The following MAPKBP1 variants were observed in gnomAD, a reference collection of about 807,000 sequenced individuals.
The protein encoded by MAPKBP1 is mitogen-activated protein kinase-binding protein 1.
Under a neutral mutation model 170.5 loss-of-function variants are expected in MAPKBP1, and 71 were observed. That is an observed-to-expected ratio of 0.42 (90% CI 0.34 to 0.51). MAPKBP1 has a LOEUF of 0.51. Ranked by LOEUF, MAPKBP1 falls within the 20% of genes least tolerant of loss-of-function variation. The pLI is 0.06. For synonymous variants in MAPKBP1, 719 were observed against 757.9 expected (o/e 0.95, Z 0.84); for missense variants, 1,598 against 1,933.0 (o/e 0.83, Z 3.25).
chr15:41,820,542 C>G (rs1370777165), intron 22 of MAPKBP1, among the ~76,000 whole-genome samples: 1 of 152,132 alleles, frequency 6.6e-6, no homozygotes, highest in Non-Finnish European at 1.5e-5. Context: ...CTAGGGGTTC[C>G]TGTGCCAGAG....
At chr15:41,816,768 T>G in intron 13 of MAPKBP1, 118 bp downstream of exon 13, 1 of 1,456,860 alleles carries the variant, frequency 6.9e-7, no homozygotes, top group Non-Finnish European at 9.5e-7. Flanking sequence ...TCTTTGCTGG[T>G]TTAGAGGAAG....
chr15:41,786,777 A>ATAT (rs1555448144), intron 2 of MAPKBP1, among the ~76,000 whole-genome samples: 4 of 32,452 alleles, frequency 1.2e-4, no homozygotes, highest in African/African-American at 5.2e-4. Flanking sequence ...AAAAAAAAAA[A>ATAT]ATATATATAT....
chr15:41,818,731 C>G lies in MAPKBP1; in HGVS notation c.2157-92C>G. On this transcript the variant is annotated intron_variant, in intron 19 of 30. Transcript: ENST00000457542. The surrounding 1 kb of genome is among the most constrained non-coding windows in gnomAD (Gnocchi z 5.2). Reference sequence around the variant, plus strand: ...GCTTGACCTGAAGTGGAGGGTGGCTCTGGTCTCCTTGCCATCCATGGATAA... The same window carrying G: ...GCTTGACCTGAAGTGGAGGGTGGCTGTGGTCTCCTTGCCATCCATGGATAA... 1 of 1,562,606 alleles carries G rather than the reference C, an allele frequency of 6.4e-7. No homozygotes were observed. The highest frequency in any genetic ancestry group is 8.7e-7 in the Non-Finnish European group (1 of 1,145,426).
chr15:41,815,177 G>A lies in MAPKBP1; in HGVS notation c.1171-82G>A, dbSNP rs117228318. On this transcript the variant is annotated intron_variant, in intron 10 of 30. Transcript: ENST00000457542. ...AGTCCTGGCCACCATTCCCTTTTTC[G>A]TCCCATTCCCTTCCATCTCCTTGGG... is the stretch of plus-strand genomic sequence containing the variant. 3.3e-3 allele frequency: 5,142 copies of A among 1,545,408 alleles called. 141 individuals are homozygous for A. In the Admixed American group the frequency reaches 0.052, roughly 16 times the overall value.
intron 3 of MAPKBP1, among the ~76,000 whole-genome samples, chr15:41,808,703 T>C (rs2064749679): frequency 6.6e-6 from 1 of 151,618 alleles, no homozygotes; most frequent in South Asian, 2.1e-4. Flanking sequence ...CTCGAACTCC[T>C]GACCTCAGGT....
intron 13 of MAPKBP1, 62 bp downstream of exon 13, chr15:41,816,712 G>A: frequency 6.6e-7 from 1 of 1,526,204 alleles, no homozygotes; most frequent in Non-Finnish European, 9.1e-7. Flanking sequence ...ACTTATATCT[G>A]TCCCGGCTCT....
In MAPKBP1 at chr15:41,775,396, C is replaced by T. The variant is rs756684650; in HGVS notation, c.114+7C>T. ...AGAGGACCTCAGCTCCAAGGTGAGT[C>T]CTGTTGGGATCCACCTCTTTCCAAA... On this transcript the variant is annotated splice_region_variant and intron_variant, in intron 2 of 30. Transcript: ENST00000457542. The T allele has an allele frequency of 6.2e-7, 1 of 1,606,716 alleles. No homozygotes were observed. Among genetic ancestry groups the T allele is most frequent in the East Asian group, 2.2e-5 (1 of 44,846 alleles).
Position 41,818,483 on chromosome 15 carries a change from A to AGGT in MAPKBP1, c.2093-33_2093-31dup, listed in dbSNP as rs759681285. 2.5e-6 allele frequency: 4 copies of AGGT among 1,596,794 alleles called. No homozygotes were observed. In the African/African-American group the frequency reaches 5.4e-5, roughly 21 times the overall value. Reference sequence around the variant, plus strand: ...TGGAGAGGACTTGGTTGGGAATTTAAGGTGGCTTATAGACCGTATTCTTTG... The same window carrying AGGT: ...TGGAGAGGACTTGGTTGGGAATTTAAGGTGGTGGCTTATAGACCGTATTCTTTG... On this transcript the variant is annotated intron_variant, in intron 18 of 30. Transcript: ENST00000457542. This position sits in a 1 kb window ranked among gnomAD's most constrained non-coding sequence, Gnocchi z 5.2.
At chr15:41,801,825 G>A (rs757792085) in intron 3 of MAPKBP1, among the ~76,000 whole-genome samples, 41 of 152,100 alleles carry the variant, frequency 2.7e-4, no homozygotes, top group Non-Finnish European at 4.9e-4. Context: ...ACTCCAGCCT[G>A]GGCGACAAAG....
intron 5 of MAPKBP1, chr15:41,811,571 TC>T (rs1266147203): frequency 1.6e-6 from 1 of 621,488 alleles, no homozygotes; most frequent in South Asian, 1.5e-5. Context: ...CCTTAACTAT[TC>T]CTTACCCCCG....
chr15:41,819,535 A>C, intron 21 of MAPKBP1, 60 bp from the exon 22 acceptor site: 1 of 1,107,366 alleles, frequency 9.0e-7, no homozygotes, highest in Non-Finnish European at 1.2e-6. Context: ...CCAGGGCTCC[A>C]GGGTTGGGTG....
At chr15:41,809,831 C>G (rs1596084496) in intron 3 of MAPKBP1, among the ~76,000 whole-genome samples, 1 of 152,250 alleles carries the variant, frequency 6.6e-6, no homozygotes, top group Non-Finnish European at 1.5e-5. Context: ...AGAGGTTGCC[C>G]CCACCTTCTC....
chr15:41,797,067 A>G (rs573663453), intron 2 of MAPKBP1, among the ~76,000 whole-genome samples: 1 of 152,308 alleles, frequency 6.6e-6, no homozygotes, highest in South Asian at 2.1e-4. Context: ...GTCATGGCCA[A>G]AAAACTTTGA....
At chr15:41,811,730 C>A in intron 5 of MAPKBP1, 1 of 684,388 alleles carries the variant, frequency 1.5e-6, no homozygotes, top group Non-Finnish European at 2.7e-6. Context: ...GAAGTACAGA[C>A]GGCCACCCAG....
chr15:41,819,700 G>A (rs556404606), intron 22 of MAPKBP1, 50 bp downstream of exon 22: 3 of 1,562,586 alleles, frequency 1.9e-6, no homozygotes, highest in Non-Finnish European at 2.6e-6. Flanking sequence ...GAGGCAAAGG[G>A]AGCTGTGAGA....
intron 3 of MAPKBP1, among the ~76,000 whole-genome samples, chr15:41,804,438 A>G (rs2064655149): frequency 1.3e-5 from 2 of 152,232 alleles, no homozygotes; most frequent in African/African-American, 4.8e-5. Context: ...CCTCAGGGGA[A>G]TTCCACTTGT....
chr15:41,813,445 G>A (rs2064838396), intron 8 of MAPKBP1, 176 bp from the exon 9 acceptor site: 1 of 1,446,800 alleles, frequency 6.9e-7, no homozygotes, highest in African/African-American at 1.4e-5. Context: ...AGAATCCTCG[G>A]TTCCTAATCC....
At position 41,775,341 on chromosome 15, in the gene MAPKBP1, A is replaced by T; in HGVS notation, c.66A>T (p.Lys22Asn). 1 of 1,614,148 alleles carries T rather than the reference A, an allele frequency of 6.2e-7. No homozygotes were observed. The highest frequency in any genetic ancestry group is 8.5e-7 in the Non-Finnish European group (1 of 1,180,022). The change falls in exon 2 of 31, where the codon AAA becomes AAT. Residue 22 changes from lysine to asparagine, a missense_variant. Transcript: ENST00000457542. ...IKNLLRSPSI[K>N]LRRSKAGNRR... ...ATCTGTTGAGATCTCCATCCATCAAACTGCGCAGGAGTAAGGCAGGAAACC... is the reference window on the plus strand; with the variant it reads ...ATCTGTTGAGATCTCCATCCATCAATCTGCGCAGGAGTAAGGCAGGAAACC...
At chr15:41,811,070 C>A in intron 4 of MAPKBP1, 108 bp from the exon 5 acceptor site, 1 of 1,517,748 alleles carries the variant, frequency 6.6e-7, no homozygotes, top group Non-Finnish European at 9.1e-7. Context: ...TGGGGAAGTG[C>A]CACATGTGCC....
Sources: allele counts gnomAD v4.1 joint callset (sites outside exome capture counted in the v4.1 genomes callset), GRCh38; gene constraint gnomAD v4.1.1; non-coding constraint Gnocchi (gnomAD v3.1); transcripts MANE v1.5; gene names NCBI Gene and HGNC (gene_info 2026-07-23, HGNC 2026-07-21).